Variants in NAALADL2 observed in about 807,000 individuals in gnomAD.
The protein encoded by NAALADL2 is inactive N-acetylated-alpha-linked acidic dipeptidase-like protein 2.
NAALADL2 carries 76 observed loss-of-function variants against 87.2 expected under a neutral mutation model. The observed-to-expected ratio is 0.87, with a 90% confidence interval of 0.72 to 1.05. The LOEUF is 1.05. NAALADL2 is among the 50% of genes least tolerant of loss of function. NAALADL2 has a pLI of 0.00. For synonymous variants in NAALADL2, 354 were observed against 331.0 expected, an observed-to-expected ratio of 1.07 and a Z score of -0.75; for missense variants, 1,089 against 945.8, an observed-to-expected ratio of 1.15 and a Z score of -1.99.
At chr3:174,832,264 C>G (rs1425383548) in intron 3 of NAALADL2, among the ~76,000 whole-genome samples, 1 of 151,990 alleles carries the variant, frequency 6.6e-6, no homozygotes, top group Non-Finnish European at 1.5e-5. Flanking sequence ...AAATTTCCCT[C>G]TACACACTGC....
chr3:174,594,083 T>A (rs1227966367), intron 2 of NAALADL2, among the ~76,000 whole-genome samples: 1 of 147,266 alleles, frequency 6.8e-6, no homozygotes, highest in Non-Finnish European at 1.5e-5. Context: ...CTAATAATAT[T>A]GAGGAATTTT....
intron 5 of NAALADL2, among the ~76,000 whole-genome samples, chr3:175,426,910 A>T (rs1478636255): frequency 6.6e-6 from 1 of 152,136 alleles, no homozygotes; most frequent in Non-Finnish European, 1.5e-5. Flanking sequence ...TCCATTCTTC[A>T]CTTTGTGATG....
chr3:174,677,121 C>T (rs1436580362), intron 2 of NAALADL2, among the ~76,000 whole-genome samples: 1 of 151,948 alleles, frequency 6.6e-6, no homozygotes, highest in South Asian at 2.1e-4. Flanking sequence ...TATCTATCTG[C>T]CGCCTTTTGG....
intron 1 of NAALADL2, chr3:175,059,882 A>G (rs1311822224): frequency 5.8e-6 from 2 of 344,806 alleles, no homozygotes; most frequent in African/African-American, 4.5e-5. Flanking sequence ...AGGGCAAGAC[A>G]CGAGTTCACA....
chr3:174,710,577 T>A (rs1730533640), intron 2 of NAALADL2, among the ~76,000 whole-genome samples: 1 of 152,128 alleles, frequency 6.6e-6, no homozygotes, highest in South Asian at 2.1e-4. Flanking sequence ...TTTAAAATTT[T>A]TTTCTCTGCC....
intron 5 of NAALADL2, among the ~76,000 whole-genome samples, chr3:175,371,371 C>T (rs954332199): frequency 1.1e-4 from 17 of 152,080 alleles, no homozygotes; most frequent in African/African-American, 3.9e-4. Flanking sequence ...GGGTTCTCGC[C>T]GTTCTCCTGC....
intron 10 of NAALADL2, among the ~76,000 whole-genome samples, chr3:175,587,207 GATTC>G (rs2149590723): frequency 6.6e-6 from 1 of 151,914 alleles, no homozygotes; most frequent in South Asian, 2.1e-4. Flanking sequence ...TGCTTAGACA[GATTC>G]ATTCAATTGA....
intron 1 of NAALADL2, among the ~76,000 whole-genome samples, chr3:175,075,875 A>T (rs1716494128): frequency 6.6e-6 from 1 of 152,190 alleles, no homozygotes; most frequent in Admixed American, 6.5e-5. Flanking sequence ...AGATAAAATA[A>T]GGTAAATTGA....
At chr3:175,123,597 C>A (rs896780089) in intron 2 of NAALADL2, among the ~76,000 whole-genome samples, 1 of 152,014 alleles carries the variant, frequency 6.6e-6, no homozygotes, top group Non-Finnish European at 1.5e-5. Context: ...GGGTTACCTG[C>A]AGTTGTCTAG....
chr3:175,393,895 T>C (rs62288017), intron 5 of NAALADL2, among the ~76,000 whole-genome samples: 31,804 of 152,178 alleles, frequency 0.21, 4,214 homozygotes, highest in East Asian at 0.47. Flanking sequence ...TTTTTGGAGA[T>C]GAATTTAAGC....
intron 2 of NAALADL2, among the ~76,000 whole-genome samples, chr3:175,147,166 G>A (rs996447407): frequency 1.3e-5 from 2 of 152,172 alleles, no homozygotes; most frequent in African/African-American, 4.8e-5. Flanking sequence ...GCATGATGCT[G>A]AAATTTGGAG....
At chr3:174,893,313 C>A (rs1009954498) in intron 1 of NAALADL2, among the ~76,000 whole-genome samples, 5 of 142,430 alleles carry the variant, frequency 3.5e-5, no homozygotes, top group African/African-American at 7.8e-5. Flanking sequence ...TACTTCAACC[C>A]CCCCCCGCAA....
chr3:174,886,329 C>A (rs2109757455), intron 1 of NAALADL2, among the ~76,000 whole-genome samples: 1 of 152,188 alleles, frequency 6.6e-6, no homozygotes. Context: ...TATATTTTTT[C>A]TGCCTGCTTA....
At chr3:175,749,939 G>A (rs926082179) in intron 12 of NAALADL2, among the ~76,000 whole-genome samples, 3 of 152,138 alleles carry the variant, frequency 2.0e-5, no homozygotes, top group African/African-American at 7.2e-5. Context: ...TGTATCAAGG[G>A]TGTTCAGAAG....
chr3:175,619,474 A>G (rs2149695367), intron 10 of NAALADL2, among the ~76,000 whole-genome samples: 1 of 151,302 alleles, frequency 6.6e-6, no homozygotes, highest in African/African-American at 2.4e-5. Context: ...ATGGTGGGAA[A>G]AAAAAAAAAA....
At chr3:175,485,664 T>G (rs1329027015) in intron 9 of NAALADL2, among the ~76,000 whole-genome samples, 1 of 152,148 alleles carries the variant, frequency 6.6e-6, no homozygotes, top group Non-Finnish European at 1.5e-5. Flanking sequence ...AAGTTAGCTT[T>G]TCCACCTTCA....
At chr3:175,755,086 G>T in intron 12 of NAALADL2, 134 bp from the exon 13 acceptor site, 1 of 663,816 alleles carries the variant, frequency 1.5e-6, no homozygotes. Flanking sequence ...AAGAGAGAGA[G>T]AACTGTCAAT....
At chr3:175,156,451 A>G (rs939760223) in intron 2 of NAALADL2, among the ~76,000 whole-genome samples, 58 of 152,234 alleles carry the variant, frequency 3.8e-4, no homozygotes, top group African/African-American at 1.4e-3. Flanking sequence ...GATTATGCTT[A>G]TTATTTCCTA....
chr3:174,487,920 G>A (rs561200293), intron 1 of NAALADL2, among the ~76,000 whole-genome samples: 2 of 152,082 alleles, frequency 1.3e-5, no homozygotes, highest in African/African-American at 2.4e-5. Context: ...TAGTCACCAG[G>A]ATTTACGTAG....
Sources: gnomAD v4.1 joint callset for allele counts (sites outside exome capture counted in the v4.1 genomes callset) on GRCh38, gnomAD v4.1.1 for gene constraint, MANE v1.5 for transcripts, NCBI Gene and HGNC (gene_info 2026-07-23, HGNC 2026-07-21) for gene names.